The following ANKS1A variants were observed in gnomAD, a reference collection of about 807,000 sequenced individuals.
The protein encoded by ANKS1A is ankyrin repeat and SAM domain-containing protein 1A.
In ANKS1A, 55 loss-of-function variants were observed where a neutral mutation model predicts 120.3. The observed-to-expected ratio is 0.46, with a 90% CI of 0.37 to 0.57. The LOEUF (loss-of-function observed/expected upper bound fraction) is 0.57. Among genes scored for constraint, ANKS1A ranks in the 20% least tolerant of loss-of-function variants. The probability of loss-of-function intolerance (pLI) is 0.00; values close to 1 mark genes in which losing one functional copy is unlikely to be tolerated. For synonymous variants in ANKS1A, 590 were observed against 604.7 expected (o/e 0.98, Z 0.36); for missense variants, 1,123 against 1,480.3 (o/e 0.76, Z 3.96).
At chr6:34,984,073 C>T (rs913578689) in intron 7 of ANKS1A, among the ~76,000 whole-genome samples, 4 of 152,114 alleles carry the variant, frequency 2.6e-5, no homozygotes, top group African/African-American at 4.8e-5. Flanking sequence ...GGATTACAGG[C>T]GTGAGCCACC....
At chr6:35,063,665 G>A (rs866759264) in intron 13 of ANKS1A, among the ~76,000 whole-genome samples, 8 of 152,206 alleles carry the variant, frequency 5.3e-5, no homozygotes, top group East Asian at 1.9e-4. Flanking sequence ...GGAGGACTCC[G>A]GGGGCTTCAT....
rs140634290 is a variant in ANKS1A, at chr6:35,068,523, C to T, written c.2184+8270C>T. On this transcript the variant is annotated intron_variant, in intron 13 of 23. Coordinates refer to ENST00000360359, the MANE Select transcript of ANKS1A (RefSeq NM_015245.3). ...GTCCCCGCACTCAGCTCTTCCTACC[C>T]TCCCTACTCTTGGTTAGCGGAATCT... 1.1e-3 allele frequency among the ~76,000 whole-genome samples: 168 copies of T among 152,352 alleles called. 1 individual carries two copies. In the South Asian group the frequency reaches 0.032, roughly 29 times the overall value.
At chr6:35,074,436 CA>C (rs879350993) in intron 13 of ANKS1A, among the ~76,000 whole-genome samples, 98 of 133,450 alleles carry the variant, frequency 7.3e-4, no homozygotes, top group Middle Eastern at 4.0e-3. Flanking sequence ...CCCATCTCTA[CA>C]AAAAAAAAAA....
At chr6:34,894,020 C>CA (rs1766951092) in intron 1 of ANKS1A, among the ~76,000 whole-genome samples, 1 of 152,046 alleles carries the variant, frequency 6.6e-6, no homozygotes, top group East Asian at 1.9e-4. Flanking sequence ...CACAGTTATC[C>CA]AGAATGTCTA....
intron 10 of ANKS1A, among the ~76,000 whole-genome samples, chr6:34,998,879 T>C (rs1408335005): frequency 6.6e-6 from 1 of 152,232 alleles, no homozygotes; most frequent in Non-Finnish European, 1.5e-5. Flanking sequence ...TAACGGATGG[T>C]TGAGGCAGCT....
chr6:34,932,877 A>G (rs1769060834), intron 1 of ANKS1A, among the ~76,000 whole-genome samples: 1 of 152,194 alleles, frequency 6.6e-6, no homozygotes, highest in Non-Finnish European at 1.5e-5. Context: ...GCTGAGTTAT[A>G]TGTTAACTCT....
chr6:35,087,033 C>T lies in ANKS1A; in HGVS notation c.3385C>T (p.Arg1129Trp), dbSNP rs778828469. The T allele has an allele frequency of 8.7e-6, 14 of 1,614,026 alleles. No individual in the cohort carries two copies. Among genetic ancestry groups the T allele is most frequent in the South Asian group, 5.5e-5 (5 of 91,086 alleles). ...TGTGGACCCCAAACCAGACTCTAAG[C>T]GGAGCCTCAGCACCAAGTATGAGAC... ...WVVDPKPDSKRSLSTN is the reference protein window; with the variant it reads ...WVVDPKPDSKWSLSTN The change falls in exon 23 of 24, where the codon CGG becomes TGG. Residue 1129 changes from arginine (R) to tryptophan (W), a missense_variant. Transcript: ENST00000360359.
intron 10 of ANKS1A, among the ~76,000 whole-genome samples, chr6:34,999,962 G>A (rs1251078528): frequency 6.6e-6 from 1 of 151,926 alleles, no homozygotes; most frequent in African/African-American, 2.4e-5. Flanking sequence ...GAGAGAGAGA[G>A]ACAGAAAGTC....
At chr6:35,078,907 G>A (rs1777510299) in intron 14 of ANKS1A, among the ~76,000 whole-genome samples, 1 of 152,234 alleles carries the variant, frequency 6.6e-6, no homozygotes, top group Admixed American at 6.5e-5. Context: ...GTCATGAGGA[G>A]GTTCTGGGGG....
chr6:35,080,010 A>C, intron 16 of ANKS1A, 82 bp downstream of exon 16: 1 of 1,446,786 alleles, frequency 6.9e-7, no homozygotes, highest in Admixed American at 2.0e-5. Context: ...AGGATTCTTC[A>C]GAGACCACTG....
chr6:35,010,224 G>A (rs909544109), intron 10 of ANKS1A, among the ~76,000 whole-genome samples: 3 of 152,032 alleles, frequency 2.0e-5, no homozygotes, highest in African/African-American at 7.2e-5. Context: ...GAGGCACAAG[G>A]GGAAAGAAAC....
intron 3 of ANKS1A, among the ~76,000 whole-genome samples, chr6:34,970,454 C>G (rs137901685): frequency 6.9e-4 from 105 of 152,238 alleles, no homozygotes; most frequent in Non-Finnish European, 3.4e-4. Flanking sequence ...TATACACAGT[C>G]AGCCCTTCGT....
chr6:34,947,291 C>T (rs868340265), intron 1 of ANKS1A, among the ~76,000 whole-genome samples: 43 of 151,840 alleles, frequency 2.8e-4, no homozygotes, highest in African/African-American at 8.9e-4. Context: ...GGACTACAGG[C>T]GCCCGCCACC....
chr6:34,997,902 C>T (rs1309056344), intron 10 of ANKS1A, among the ~76,000 whole-genome samples: 2 of 152,208 alleles, frequency 1.3e-5, no homozygotes, highest in Admixed American at 6.5e-5. Flanking sequence ...GGCTACACAT[C>T]TGGTCCTCCT....
rs555857161 is a variant in ANKS1A at position 35,077,725 on chromosome 6, C to T, written c.2185-833C>T. Among the ~76,000 whole-genome samples the T allele has an allele frequency of 2.0e-5, 3 of 152,304 alleles. No homozygotes were observed. In the East Asian group the frequency reaches 5.8e-4, roughly 29 times the overall value. On this transcript the variant is annotated intron_variant, in intron 13 of 23. Coordinates refer to ENST00000360359, the MANE Select transcript of ANKS1A (RefSeq NM_015245.3). ...GGCTGCCCAGGGTCCCCTCTTAGCT[C>T]CACCACTAGATGTGTGATGTCAAGA...
At chr6:34,914,556 A>G (rs990871671) in intron 1 of ANKS1A, among the ~76,000 whole-genome samples, 1 of 152,328 alleles carries the variant, frequency 6.6e-6, no homozygotes, top group Middle Eastern at 3.4e-3. Flanking sequence ...AACAGTTTTG[A>G]AAATTCTTAG....
intron 11 of ANKS1A, among the ~76,000 whole-genome samples, chr6:35,043,622 C>G (rs1303272732): frequency 6.6e-6 from 1 of 152,176 alleles, no homozygotes; most frequent in Non-Finnish European, 1.5e-5. Context: ...TCTTACATGG[C>G]CACTTGGGAT....
In ANKS1A at chr6:34,940,975, G is replaced by A. The variant is rs138292481; in HGVS notation, c.198-26264G>A. On this transcript the variant is annotated intron_variant, in intron 1 of 23. Coordinates refer to ENST00000360359, the MANE Select transcript of ANKS1A (RefSeq NM_015245.3). ...AAGTCAAACAATGGCAACATCTATA[G>A]TATTTCTACCTCTAAAAAAAATTTT... Among the ~76,000 whole-genome samples the A allele has an allele frequency of 1.9e-3, 285 of 151,866 alleles. 1 individual carries two copies. The highest frequency in any genetic ancestry group is 6.3e-3 in the African/African-American group (263 of 41,428).
At chr6:34,931,676 A>C (rs1332543570) in intron 1 of ANKS1A, among the ~76,000 whole-genome samples, 4 of 152,064 alleles carry the variant, frequency 2.6e-5, no homozygotes, top group Non-Finnish European at 5.9e-5. Flanking sequence ...TTTTTCTTCC[A>C]ACCAGTCTAG....
Sources: allele counts gnomAD v4.1 joint callset (sites outside exome capture counted in the v4.1 genomes callset), GRCh38; gene constraint gnomAD v4.1.1; transcripts MANE v1.5; gene names NCBI Gene and HGNC (gene_info 2026-07-23, HGNC 2026-07-21).